ROBO2: variants seen among roughly 807,000 people sequenced by gnomAD.
ROBO2 encodes the protein roundabout guidance receptor 2.
A neutral mutation model predicts 160.8 loss-of-function variants in ROBO2; 53 were observed. The observed-to-expected ratio is 0.33, with a 90% CI of 0.26 to 0.41. The LOEUF is 0.41. Among genes scored for constraint, ROBO2 ranks in the 10% least tolerant of loss-of-function variants. The pLI is 1.00. For synonymous variants in ROBO2, 664 were observed against 611.7 expected, an observed-to-expected ratio of 1.09 and a Z score of -1.26; for missense variants, 1,577 against 1,722.4, an observed-to-expected ratio of 0.92 and a Z score of 1.49.
At chr3:76,112,594 T>C (rs2070282993) in intron 2 of ROBO2, among the ~76,000 whole-genome samples, 1 of 152,042 alleles carries the variant, frequency 6.6e-6, no homozygotes, top group Admixed American at 6.6e-5. Flanking sequence ...TGTACTATGT[T>C]TAAGAGTGTA....
At chr3:76,058,589 C>CTTTTTTTTTTTTTTTTTT (rs10676074) in intron 2 of ROBO2, among the ~76,000 whole-genome samples, 1 of 48,858 alleles carries the variant, frequency 2.0e-5, no homozygotes, top group Non-Finnish European at 3.4e-5. Flanking sequence ...ACAGCAGAAA[C>CTTTTTTTTTTTTTTTTTT]TTTTTTTTTT....
At chr3:77,559,546 G>A (rs1045385378) in intron 9 of ROBO2, among the ~76,000 whole-genome samples, 2 of 152,210 alleles carry the variant, frequency 1.3e-5, no homozygotes, top group Admixed American at 6.6e-5. Context: ...GAAATTCAGA[G>A]CCAAGATGAA....
At chr3:76,469,664 A>G (rs1210828618) in intron 2 of ROBO2, among the ~76,000 whole-genome samples, 1 of 152,012 alleles carries the variant, frequency 6.6e-6, no homozygotes, top group Non-Finnish European at 1.5e-5. Flanking sequence ...TAGAATGACT[A>G]TTCCCACTGG....
At chr3:77,409,091 A>C (rs111402352) in intron 2 of ROBO2, among the ~76,000 whole-genome samples, 4 of 99,186 alleles carry the variant, frequency 4.0e-5, no homozygotes, top group African/African-American at 1.5e-4. Context: ...TGAAATACAT[A>C]CATATATATA....
intron 2 of ROBO2, among the ~76,000 whole-genome samples, chr3:76,973,194 C>T (rs2149291126): frequency 6.6e-6 from 1 of 152,232 alleles, no homozygotes; most frequent in East Asian, 1.9e-4. Context: ...GGCTTCCTTT[C>T]CTCCTTTATT....
chr3:76,109,752 A>G (rs1308634950), intron 2 of ROBO2, among the ~76,000 whole-genome samples: 2 of 151,828 alleles, frequency 1.3e-5, no homozygotes, highest in Non-Finnish European at 2.9e-5. Context: ...TTGAGCTTTT[A>G]TTGTACCAGC....
At chr3:76,655,444 A>G (rs1487835481) in intron 2 of ROBO2, among the ~76,000 whole-genome samples, 1 of 129,070 alleles carries the variant, frequency 7.7e-6, no homozygotes, top group African/African-American at 2.9e-5. Context: ...TTTTCCATAT[A>G]TATATATATA....
intron 2 of ROBO2, among the ~76,000 whole-genome samples, chr3:77,140,683 A>G (rs2076631619): frequency 6.6e-6 from 1 of 152,212 alleles, no homozygotes; most frequent in Admixed American, 6.5e-5. Context: ...TACTCCCAAC[A>G]CTTTGTCCTC....
At chr3:76,754,005 T>C (rs1298624041) in intron 2 of ROBO2, among the ~76,000 whole-genome samples, 3 of 151,872 alleles carry the variant, frequency 2.0e-5, no homozygotes, top group Admixed American at 6.6e-5. Context: ...GTGAAAATAA[T>C]ACTACCTGCT....
At chr3:76,114,704 T>C (rs556241707) in intron 2 of ROBO2, among the ~76,000 whole-genome samples, 3 of 152,134 alleles carry the variant, frequency 2.0e-5, no homozygotes, top group Non-Finnish European at 4.4e-5. Context: ...CTTTTCACTT[T>C]ATTACCCTAA....
At chr3:77,093,446 CAT>C (rs2150040233) in intron 1 of ROBO2, among the ~76,000 whole-genome samples, 1 of 152,224 alleles carries the variant, frequency 6.6e-6, no homozygotes, top group African/African-American at 2.4e-5. Context: ...TAGCCAATAA[CAT>C]AGAATACCCA....
At chr3:76,431,039 G>C (rs2076414611) in intron 2 of ROBO2, among the ~76,000 whole-genome samples, 1 of 151,976 alleles carries the variant, frequency 6.6e-6, no homozygotes, top group Admixed American at 6.6e-5. Context: ...TATGTTATAA[G>C]GGGGTTTTGT....
At chr3:76,042,059 A>G (rs1258486598) in intron 2 of ROBO2, among the ~76,000 whole-genome samples, 1 of 151,620 alleles carries the variant, frequency 6.6e-6, no homozygotes, top group Non-Finnish European at 1.5e-5. Flanking sequence ...AGAACATAGT[A>G]AAGTGACAGA....
chr3:77,041,847 C>T (rs1160744021), intron 1 of ROBO2, among the ~76,000 whole-genome samples: 1 of 151,862 alleles, frequency 6.6e-6, no homozygotes, highest in African/African-American at 2.4e-5. Context: ...TTTTTAGTTA[C>T]TTTCTGTACT....
chr3:77,282,580 GAA>G (rs1468905547), intron 2 of ROBO2, among the ~76,000 whole-genome samples: 6 of 151,966 alleles, frequency 3.9e-5, no homozygotes, highest in African/African-American at 7.2e-5. Context: ...AAGTTGAAGA[GAA>G]ATAAATATAA....
intron 2 of ROBO2, among the ~76,000 whole-genome samples, chr3:76,411,261 G>T (rs1486790203): frequency 6.6e-6 from 1 of 151,910 alleles, no homozygotes; most frequent in Admixed American, 6.5e-5. Context: ...TTCTATCATG[G>T]CCAGGCAGTG....
chr3:76,477,915 A>T (rs1198360111), intron 2 of ROBO2, among the ~76,000 whole-genome samples: 2 of 152,060 alleles, frequency 1.3e-5, no homozygotes, highest in African/African-American at 2.4e-5. Context: ...AGTGCAATAC[A>T]TTTAGCAATT....
chr3:77,588,762 G>A lies in ROBO2; in HGVS notation c.2512G>A (p.Glu838Lys), dbSNP rs1444141318. The A allele has an allele frequency of 5.0e-6, 8 of 1,613,250 alleles. No homozygotes were observed. In the South Asian group the frequency reaches 7.7e-5, roughly 16 times the overall value. Residue 838 changes from glutamate (E) to lysine (K), a missense_variant, in exon 17 of 26, where the codon GAA becomes AAA. Transcript: ENST00000461745. ...GGTTTTTTCCATAGGGAGACGCAAT[G>A]AAGTTGTCATTACTGAAAACAATAA... is the stretch of plus-strand genomic sequence containing the variant.
At chr3:77,628,676 T>C (rs1217275200) in intron 23 of ROBO2, among the ~76,000 whole-genome samples, 3 of 152,156 alleles carry the variant, frequency 2.0e-5, no homozygotes, top group Non-Finnish European at 4.4e-5. Context: ...CCATACATCT[T>C]AACCAAACTG....
Sources: allele counts gnomAD v4.1 joint callset (sites outside exome capture counted in the v4.1 genomes callset), GRCh38; gene constraint gnomAD v4.1.1; transcripts MANE v1.5; gene names NCBI Gene and HGNC (gene_info 2026-07-23, HGNC 2026-07-21).